PPARGC1A: variants seen among roughly 807,000 people sequenced by gnomAD.
PPARGC1A encodes the protein peroxisome proliferator-activated receptor gamma coactivator 1-alpha.
A neutral mutation model predicts 88.7 loss-of-function variants in PPARGC1A; 25 were observed. That is an observed-to-expected ratio of 0.28 (90% confidence interval 0.21 to 0.39). The LOEUF is 0.39. PPARGC1A is among the 10% of genes least tolerant of loss of function. PPARGC1A has a pLI of 1.00. For synonymous variants in PPARGC1A, 363 were observed against 355.6 expected, an observed-to-expected ratio of 1.02 and a Z score of -0.24; for missense variants, 880 against 968.7, an observed-to-expected ratio of 0.91 and a Z score of 1.22.
At chr4:23,893,197 G>T (rs1381655411), upstream of PPARGC1A, among the ~76,000 whole-genome samples, 1 of 151,384 alleles carries the variant, frequency 6.6e-6, no homozygotes, top group East Asian at 1.9e-4. Flanking sequence ...AAAACCTCAA[G>T]AGAATAATTC....
the PPARGC1A span, among the ~76,000 whole-genome samples, chr4:24,040,666 C>T: frequency 6.6e-6 from 1 of 152,202 alleles, no homozygotes; most frequent in African/African-American, 2.4e-5. Flanking sequence ...CCGGAGCTTA[C>T]AGATCTGAGT....
At chr4:23,922,459 G>A in the PPARGC1A span, among the ~76,000 whole-genome samples, 16 of 152,284 alleles carry the variant, frequency 1.1e-4, no homozygotes, top group African/African-American at 3.8e-4. Flanking sequence ...TCACACAATA[G>A]CTAAGATGAA....
chr4:24,058,158 C>T, the PPARGC1A span, among the ~76,000 whole-genome samples: 3 of 152,170 alleles, frequency 2.0e-5, no homozygotes, highest in Admixed American at 1.3e-4. Context: ...GCCTGGGGGC[C>T]GGCCCATCGC....
the PPARGC1A span, among the ~76,000 whole-genome samples, chr4:24,185,041 A>G: frequency 6.6e-6 from 1 of 152,174 alleles, no homozygotes. Flanking sequence ...AGGCTTAATT[A>G]TTATTTTAAC....
chr4:24,448,782 C>T, the PPARGC1A span, among the ~76,000 whole-genome samples: 1 of 152,134 alleles, frequency 6.6e-6, no homozygotes, highest in Non-Finnish European at 1.5e-5. Flanking sequence ...CACACACACC[C>T]CATTGAAACC....
the PPARGC1A span, among the ~76,000 whole-genome samples, chr4:24,262,341 G>C: frequency 6.6e-6 from 1 of 152,344 alleles, no homozygotes; most frequent in African/African-American, 2.4e-5. Flanking sequence ...CCTGCCCAAG[G>C]AGTGGACTTC....
At chr4:24,008,073 C>T in the PPARGC1A span, among the ~76,000 whole-genome samples, 1 of 152,240 alleles carries the variant, frequency 6.6e-6, no homozygotes, top group South Asian at 2.1e-4. Flanking sequence ...GTGAACAAAG[C>T]ACGACAGAGA....
At chr4:24,440,128 A>G in the PPARGC1A span, among the ~76,000 whole-genome samples, 1 of 152,234 alleles carries the variant, frequency 6.6e-6, no homozygotes, top group Non-Finnish European at 1.5e-5. Flanking sequence ...TAATCCTAGA[A>G]GGTCTATGTA....
chr4:24,300,657 C>G, the PPARGC1A span, among the ~76,000 whole-genome samples: 1 of 151,990 alleles, frequency 6.6e-6, no homozygotes, highest in Non-Finnish European at 1.5e-5. Context: ...CCCTCATATT[C>G]ACTCCCCTTA....
intron 2 of PPARGC1A, among the ~76,000 whole-genome samples, chr4:23,876,840 GTTGT>G (rs1577619750): frequency 6.6e-6 from 1 of 152,152 alleles, no homozygotes; most frequent in South Asian, 2.1e-4. Context: ...AAAAAAAGTA[GTTGT>G]TTAAGTCAGG....
At chr4:24,312,563 C>T in the PPARGC1A span, among the ~76,000 whole-genome samples, 3 of 137,866 alleles carry the variant, frequency 2.2e-5, no homozygotes, top group Admixed American at 1.6e-4. Context: ...TTGCTTTTCT[C>T]TTTGTCTTAA....
chr4:24,194,854 T>G, the PPARGC1A span, among the ~76,000 whole-genome samples: 1 of 152,156 alleles, frequency 6.6e-6, no homozygotes, highest in African/African-American at 2.4e-5. Context: ...CAACTAAATA[T>G]CAACCAACCA....
the PPARGC1A span, among the ~76,000 whole-genome samples, chr4:24,207,815 A>G: frequency 6.6e-6 from 1 of 152,240 alleles, no homozygotes; most frequent in South Asian, 2.1e-4. Context: ...AAAAAACCTG[A>G]AACCATATAA....
the PPARGC1A span, among the ~76,000 whole-genome samples, chr4:24,374,896 TG>T: frequency 2.6e-5 from 4 of 151,902 alleles, no homozygotes; most frequent in Non-Finnish European, 4.4e-5. Flanking sequence ...CCTAAGTATA[TG>T]CTCAAGAGAA....
intron 1 of PPARGC1A, among the ~76,000 whole-genome samples, chr4:23,898,020 A>G (rs1718815963): frequency 6.6e-6 from 1 of 152,216 alleles, no homozygotes; most frequent in Admixed American, 6.5e-5. Flanking sequence ...GGTGGATATT[A>G]TATTCAGGGT....
At chr4:24,100,756 A>G in the PPARGC1A span, among the ~76,000 whole-genome samples, 164 of 152,310 alleles carry the variant, frequency 1.1e-3, no homozygotes, top group African/African-American at 3.7e-3. Context: ...AACCACAAAA[A>G]AATATATAAT....
chr4:24,195,546 C>T, the PPARGC1A span, among the ~76,000 whole-genome samples: 44 of 152,240 alleles, frequency 2.9e-4, no homozygotes, highest in African/African-American at 8.4e-4. Flanking sequence ...AAGGTAAATA[C>T]TCGGACCAGA....
chr4:24,122,275 T>A, the PPARGC1A span, among the ~76,000 whole-genome samples: 1 of 151,746 alleles, frequency 6.6e-6, no homozygotes, highest in East Asian at 1.9e-4. Flanking sequence ...GCCAGGAAGT[T>A]TAGAGAAAAA....
At chr4:24,038,544 G>A in the PPARGC1A span, among the ~76,000 whole-genome samples, 1 of 152,058 alleles carries the variant, frequency 6.6e-6, no homozygotes, top group Non-Finnish European at 1.5e-5. Context: ...CTGCAAATTC[G>A]AATTCTCTCT....
Sources: allele counts gnomAD v4.1 joint callset (sites outside exome capture counted in the v4.1 genomes callset), GRCh38; gene constraint gnomAD v4.1.1; transcripts MANE v1.5; gene names NCBI Gene and HGNC (gene_info 2026-07-23, HGNC 2026-07-21).